Variants in CACNA1E observed in about 807,000 individuals in gnomAD.
CACNA1E encodes the protein voltage-dependent R-type calcium channel subunit alpha-1E.
In CACNA1E, 40 loss-of-function variants were observed where a neutral mutation model predicts 259.2. The observed-to-expected ratio is 0.15, with a 90% confidence interval of 0.12 to 0.20. The LOEUF (loss-of-function observed/expected upper bound fraction) is 0.20. Among genes scored for constraint, CACNA1E ranks in the 10% least tolerant of loss-of-function variants. The probability of loss-of-function intolerance (pLI) is 1.00; values close to 1 mark genes in which losing one functional copy is unlikely to be tolerated. For synonymous variants in CACNA1E, 1,104 were observed against 1,138.5 expected, an observed-to-expected ratio of 0.97 and a Z score of 0.61; for missense variants, 1,874 against 3,040.1, an observed-to-expected ratio of 0.62 and a Z score of 9.02.
rs1657440947 is a variant in CACNA1E, at chr1:181,749,914, C to CGCTTTGTGAAGTAGGCCTTATTTCTCTTG, written c.3720-562_3720-561insGCTTTGTGAAGTAGGCCTTATTTCTCTTG. 2.0e-5 allele frequency among the ~76,000 whole-genome samples: 3 copies of CGCTTTGTGAAGTAGGCCTTATTTCTCTTG among 152,200 alleles called. No individual in the cohort carries two copies. The South Asian group carries it at 6.2e-4, about 31-fold the overall frequency. On this transcript the variant is annotated intron_variant, in intron 25 of 47. Coordinates refer to ENST00000367573, the MANE Select transcript of CACNA1E (RefSeq NM_001205293.3). ...ATTTCAAGTTGGTTTAATGGTGTTG[C>CGCTTTGTGAAGTAGGCCTTATTTCTCTTG]TCCTCTGAGCTTCTAAGAGACATCA...
At chr1:181,543,005 A>G (rs542728483) in intron 3 of CACNA1E, among the ~76,000 whole-genome samples, 1 of 139,452 alleles carries the variant, frequency 7.2e-6, no homozygotes, top group South Asian at 2.2e-4. Context: ...TGCGTAGTCC[A>G]TTGTTTCCTA....
intron 2 of CACNA1E, among the ~76,000 whole-genome samples, chr1:181,421,238 C>G (rs143441981): frequency 4.6e-5 from 7 of 152,334 alleles, no homozygotes; most frequent in African/African-American, 1.4e-4. Context: ...TGCAATGCTA[C>G]TTGTAAATTG....
At chr1:181,434,107 C>T (rs942103226) in intron 2 of CACNA1E, among the ~76,000 whole-genome samples, 1 of 152,186 alleles carries the variant, frequency 6.6e-6, no homozygotes, top group African/African-American at 2.4e-5. Flanking sequence ...CTTGACTTTC[C>T]TACTTGGCTC....
intron 1 of CACNA1E, among the ~76,000 whole-genome samples, chr1:181,346,357 C>G (rs1326991256): frequency 6.6e-6 from 1 of 152,240 alleles, no homozygotes; most frequent in Non-Finnish European, 1.5e-5. Context: ...ACTTTAAAAA[C>G]ATTTCCCATA....
At chr1:181,550,111 A>G (rs909151052) in intron 3 of CACNA1E, among the ~76,000 whole-genome samples, 8 of 152,154 alleles carry the variant, frequency 5.3e-5, no homozygotes, top group Non-Finnish European at 1.0e-4. Context: ...TACTGTCTAG[A>G]ATATACTGAG....
At chr1:181,365,713 T>A (rs985181237) in intron 1 of CACNA1E, among the ~76,000 whole-genome samples, 7 of 152,202 alleles carry the variant, frequency 4.6e-5, no homozygotes, top group African/African-American at 1.4e-4. Flanking sequence ...GGAGCTGTAT[T>A]TGCTTTGTTG....
Position 181,808,009 on chromosome 1 carries a change from T to G in CACNA1E, c.*9175T>G, listed in dbSNP as rs865814423. The G allele has an allele frequency of 1.3e-4, 20 of 152,188 alleles. No homozygotes were observed. The highest frequency in any genetic ancestry group is 2.1e-4 in the South Asian group (1 of 4,826). 9.4% of individuals were successfully genotyped at this position (152,188 alleles called of 1,614,324 possible). A position where few individuals can be genotyped will look rare whatever the true frequency, so the allele number is the denominator to read the frequency against. The stretch of plus-strand genomic sequence containing the variant: ...GATGATTTCTGTTCTTGTTTTCTTC[T>G]AACCTAGAACTCAGGTCCACAGTTT... On this transcript the variant is annotated 3_prime_UTR_variant, in exon 48 of 48. Coordinates refer to ENST00000367573, the MANE Select transcript of CACNA1E (RefSeq NM_001205293.3).
At chr1:181,588,033 G>C (rs890464205) in intron 6 of CACNA1E, among the ~76,000 whole-genome samples, 2 of 152,208 alleles carry the variant, frequency 1.3e-5, no homozygotes, top group African/African-American at 4.8e-5. Flanking sequence ...TTTGATGCTC[G>C]CACTGCCCCC....
chr1:181,417,837 G>A (rs548781833), intron 2 of CACNA1E, among the ~76,000 whole-genome samples: 35 of 152,266 alleles, frequency 2.3e-4, no homozygotes, highest in African/African-American at 7.9e-4. Context: ...TGCACTGACC[G>A]CCTGCTGCAT....
Position 181,691,405 on chromosome 1 carries a change from A to G in CACNA1E, c.1056-19549A>G, listed in dbSNP as rs181701255. On this transcript the variant is annotated intron_variant, in intron 7 of 47. Transcript: ENST00000367573. ...TTAAATTTTAAAGAAAAAACAACAC[A>G]AATGATCAAAATCTGGAATGAAAAG... 3.8e-3 allele frequency among the ~76,000 whole-genome samples: 582 copies of G among 152,208 alleles called. 7 individuals carry two copies. Among genetic ancestry groups the G allele is most frequent in the African/African-American group, 0.013 (553 of 41,562 alleles).
intron 1 of CACNA1E, among the ~76,000 whole-genome samples, chr1:181,498,991 G>C (rs923601660): frequency 3.9e-5 from 6 of 152,228 alleles, no homozygotes; most frequent in African/African-American, 1.4e-4. Context: ...ATTCATAGAG[G>C]TGAAGCCAAC....
chr1:181,354,109 C>A (rs1571642764), intron 1 of CACNA1E, among the ~76,000 whole-genome samples: 1 of 149,706 alleles, frequency 6.7e-6, no homozygotes, highest in South Asian at 2.1e-4. Context: ...ATATCTATCT[C>A]TATATCAGAC....
intron 6 of CACNA1E, among the ~76,000 whole-genome samples, chr1:181,584,375 C>G (rs952884730): frequency 2.0e-5 from 3 of 152,114 alleles, no homozygotes; most frequent in Non-Finnish European, 4.4e-5. Flanking sequence ...TTAAGATGCT[C>G]CAAGCTGCTA....
intron 7 of CACNA1E, among the ~76,000 whole-genome samples, chr1:181,700,869 C>T (rs1435011085): frequency 6.6e-6 from 1 of 152,214 alleles, no homozygotes; most frequent in Non-Finnish European, 1.5e-5. Context: ...AAACTTCCTT[C>T]CGCTCACTTC....
intron 1 of CACNA1E, among the ~76,000 whole-genome samples, chr1:181,402,965 G>C (rs1657210706): frequency 6.6e-6 from 1 of 152,132 alleles, no homozygotes; most frequent in East Asian, 1.9e-4. Flanking sequence ...AAAGATAAAA[G>C]TACTTACCCA....
chr1:181,754,973 TATC>T (rs1451692442), intron 27 of CACNA1E, among the ~76,000 whole-genome samples: 1 of 152,234 alleles, frequency 6.6e-6, no homozygotes, highest in East Asian at 1.9e-4. Flanking sequence ...CCTTGCTTGA[TATC>T]ATCTGATTTC....
At chr1:181,552,467 C>T (rs1648274896) in intron 3 of CACNA1E, among the ~76,000 whole-genome samples, 1 of 151,746 alleles carries the variant, frequency 6.6e-6, no homozygotes, top group Non-Finnish European at 1.5e-5. Context: ...TTATATCCAA[C>T]TATCTACTTG....
chr1:181,427,257 C>T (rs1332024754), intron 2 of CACNA1E, among the ~76,000 whole-genome samples: 1 of 151,346 alleles, frequency 6.6e-6, no homozygotes, highest in Admixed American at 6.6e-5. Context: ...AACCCTCACC[C>T]ATCTCAACCT....
intron 6 of CACNA1E, among the ~76,000 whole-genome samples, chr1:181,592,022 A>G (rs1293854069): frequency 6.6e-6 from 1 of 152,118 alleles, no homozygotes. Context: ...CATTTGCATC[A>G]TTGCCAACCT....
Sources: gnomAD v4.1 joint callset for allele counts (sites outside exome capture counted in the v4.1 genomes callset) on GRCh38, gnomAD v4.1.1 for gene constraint, MANE v1.5 for transcripts, NCBI Gene and HGNC (gene_info 2026-07-23, HGNC 2026-07-21) for gene names.